RIMS1: variants seen among roughly 807,000 people sequenced by gnomAD.
RIMS1 encodes the protein regulating synaptic membrane exocytosis 1.
A neutral mutation model predicts 214.1 loss-of-function variants in RIMS1; 83 were observed. That is an observed-to-expected ratio of 0.39 (90% CI 0.32 to 0.47). RIMS1 has a LOEUF of 0.47. RIMS1 is among the 20% of genes least tolerant of loss of function. RIMS1 has a pLI of 0.99. For missense variants in RIMS1, 2,050 were observed against 2,161.8 expected (o/e 0.95, Z 1.03); for synonymous variants, 793 against 786.8 (o/e 1.01, Z -0.13).
rs951681900 is a variant in RIMS1 at position 72,046,523 on chromosome 6, G to A, written c.246-50426G>A. Among the ~76,000 whole-genome samples, 5 of 152,066 alleles carry A rather than the reference G, an allele frequency of 3.3e-5. 1 individual carries two copies. The highest frequency in any genetic ancestry group is 2.0e-4 in the Admixed American group (3 of 15,236). ...AGGCCACACAGAAGGATGGGAACGG[G>A]GAAAGGTATATTTGCAAACAAGATG... is the stretch of plus-strand genomic sequence containing the variant. On this transcript the variant is annotated intron_variant, in intron 2 of 33. Transcript: ENST00000521978.
At chr6:72,271,123 A>G (rs77646555) in intron 22 of RIMS1, among the ~76,000 whole-genome samples, 2 of 151,590 alleles carry the variant, frequency 1.3e-5, no homozygotes, top group African/African-American at 2.4e-5. Flanking sequence ...AAAAGTAGCC[A>G]GGCGTGGCGG....
At chr6:72,272,771 C>A (rs1174682788) in intron 22 of RIMS1, among the ~76,000 whole-genome samples, 1 of 152,068 alleles carries the variant, frequency 6.6e-6, no homozygotes, top group East Asian at 1.9e-4. Flanking sequence ...TTCCAAATAA[C>A]ACCAAAAGTT....
intron 2 of RIMS1, among the ~76,000 whole-genome samples, chr6:72,040,956 C>T (rs532577146): frequency 9.9e-5 from 15 of 151,934 alleles, no homozygotes; most frequent in Non-Finnish European, 1.8e-4. Flanking sequence ...TGTTATCTGG[C>T]GATCGTTTCA....
At chr6:72,332,898 G>T (rs2154341094) in intron 28 of RIMS1, among the ~76,000 whole-genome samples, 1 of 151,714 alleles carries the variant, frequency 6.6e-6, no homozygotes, top group East Asian at 2.0e-4. Context: ...GACAAGTTTT[G>T]ATAGGAAAGA....
chr6:71,893,316 CT>C (rs1208098832), intron 1 of RIMS1, among the ~76,000 whole-genome samples: 1,844 of 145,522 alleles, frequency 0.013, 37 homozygotes, highest in African/African-American at 0.042. Flanking sequence ...TCTTTCTTTT[CT>C]TTTTTTTTTT....
At chr6:72,317,572 G>A (rs1261215875) in intron 28 of RIMS1, 1 of 158,010 alleles carries the variant, frequency 6.3e-6, no homozygotes, top group Non-Finnish European at 1.4e-5. Context: ...ATTCTGGAAT[G>A]TCAATCTTGA....
chr6:72,381,910 A>G (rs541229698), intron 29 of RIMS1, among the ~76,000 whole-genome samples: 1 of 152,326 alleles, frequency 6.6e-6, no homozygotes, highest in Admixed American at 6.5e-5. Flanking sequence ...ACAAAATAAA[A>G]CATTTTATAT....
At chr6:71,945,074 GA>G (rs1253285310) in intron 1 of RIMS1, among the ~76,000 whole-genome samples, 1 of 152,144 alleles carries the variant, frequency 6.6e-6, no homozygotes, top group Non-Finnish European at 1.5e-5. Flanking sequence ...GTTCTAGTAG[GA>G]AAGAGATGGC....
At chr6:72,215,488 A>G (rs2055495164) in intron 6 of RIMS1, among the ~76,000 whole-genome samples, 1 of 152,254 alleles carries the variant, frequency 6.6e-6, no homozygotes, top group Non-Finnish European at 1.5e-5. Flanking sequence ...TCTGCTACTT[A>G]TAAATCATGG....
At chr6:72,152,812 TATATATGGA>T in intron 4 of RIMS1, among the ~76,000 whole-genome samples, 1 of 80,830 alleles carries the variant, frequency 1.2e-5, no homozygotes, top group Non-Finnish European at 2.2e-5. Context: ...TATATATGTA[TATATATGGA>T]ATATATGTAT....
At chr6:72,080,074 T>TAAAAAAAAAAAA (rs770845471) in intron 2 of RIMS1, among the ~76,000 whole-genome samples, 2 of 22,404 alleles carry the variant, frequency 8.9e-5, no homozygotes, top group African/African-American at 2.8e-4. Flanking sequence ...GTGTCTCTAC[T>TAAAAAAAAAAAA]AAAAAAAAAA....
At chr6:71,997,211 A>G (rs917333086) in intron 2 of RIMS1, among the ~76,000 whole-genome samples, 5 of 152,182 alleles carry the variant, frequency 3.3e-5, no homozygotes, top group African/African-American at 4.8e-5. Flanking sequence ...GAAGAACTCC[A>G]TTACCTGCCC....
At chr6:72,081,735 T>C (rs926087386) in intron 2 of RIMS1, among the ~76,000 whole-genome samples, 2 of 152,304 alleles carry the variant, frequency 1.3e-5, no homozygotes, top group Middle Eastern at 3.4e-3. Context: ...AAAATCCTTC[T>C]GATAGTCTCT....
In RIMS1 at chr6:72,141,387, T is replaced by A. The variant is rs576265772; in HGVS notation, c.472-38188T>A. On this transcript the variant is annotated intron_variant, in intron 4 of 33. Transcript: ENST00000521978. The stretch of plus-strand genomic sequence containing the variant: ...TTCCCTCCTCCCCCTCAAAAAAAGT[T>A]TAAATGTACTTCCAGGTTTTGGGTA... Among the ~76,000 whole-genome samples, 3 of 152,116 alleles carry A rather than the reference T, an allele frequency of 2.0e-5. No individual in the cohort carries two copies. The East Asian group carries it at 5.8e-4, about 29-fold the overall frequency.
At chr6:72,055,252 C>A (rs1485529659) in intron 2 of RIMS1, among the ~76,000 whole-genome samples, 2 of 152,150 alleles carry the variant, frequency 1.3e-5, no homozygotes, top group East Asian at 1.9e-4. Context: ...AGTGGCATTT[C>A]ATGAGCACCT....
chr6:72,185,321 A>C (rs1334150512), intron 6 of RIMS1, among the ~76,000 whole-genome samples: 1 of 152,296 alleles, frequency 6.6e-6, no homozygotes, highest in South Asian at 2.1e-4. Flanking sequence ...CATGAAAGCC[A>C]TCAGACCCAA....
chr6:72,334,801 A>G (rs1269033199), intron 29 of RIMS1, among the ~76,000 whole-genome samples: 5 of 151,916 alleles, frequency 3.3e-5, no homozygotes, highest in Non-Finnish European at 7.4e-5. Flanking sequence ...ATATTGGCAA[A>G]TAAATTAGAA....
intron 6 of RIMS1, among the ~76,000 whole-genome samples, chr6:72,196,384 TATCTATC>T (rs1562551793): frequency 1.7e-4 from 14 of 83,464 alleles, no homozygotes; most frequent in Non-Finnish European, 2.8e-4. Flanking sequence ...TCTGTCTATC[TATCTATC>T]TATCTATCTA....
rs570805650 is a variant in RIMS1, at chr6:72,257,850, C to A, written c.2771-275C>A. Among the ~76,000 whole-genome samples, 178 of 152,228 alleles carry A rather than the reference C, an allele frequency of 1.2e-3. 1 individual carries two copies. Among genetic ancestry groups the A allele is most frequent in the South Asian group, 3.7e-3 (18 of 4,826 alleles). On this transcript the variant is annotated intron_variant, in intron 16 of 33. Transcript: ENST00000521978. Reference sequence around the variant, plus strand: ...CATTATTTAAATTGAAACAGTATCCCAACTCATCGTAATGTCTGAGGCATC... The same window carrying A: ...CATTATTTAAATTGAAACAGTATCCAAACTCATCGTAATGTCTGAGGCATC...
Sources: gnomAD v4.1 joint callset for allele counts (sites outside exome capture counted in the v4.1 genomes callset) on GRCh38, gnomAD v4.1.1 for gene constraint, MANE v1.5 for transcripts, NCBI Gene and HGNC (gene_info 2026-07-23, HGNC 2026-07-21) for gene names.